Variants in EYA4 observed in about 807,000 individuals in gnomAD.
The protein encoded by EYA4 is protein phosphatase EYA4.
Under a neutral mutation model 87.9 loss-of-function variants are expected in EYA4, and 31 were observed. The ratio of observed to expected loss-of-function variants is 0.35; its 90% CI spans 0.27 to 0.48. The LOEUF (loss-of-function observed/expected upper bound fraction) is 0.48, where lower values mean the gene tolerates loss of function less well. EYA4 is among the 20% of genes least tolerant of loss of function. The probability of loss-of-function intolerance (pLI) is 0.99; values close to 1 mark genes in which losing one functional copy is unlikely to be tolerated. For missense variants in EYA4, 678 were observed against 761.4 expected, an observed-to-expected ratio of 0.89 and a Z score of 1.29; for synonymous variants, 263 against 270.6, an observed-to-expected ratio of 0.97 and a Z score of 0.28.
intron 2 of EYA4, among the ~76,000 whole-genome samples, chr6:133,329,929 A>G (rs1226460525): frequency 5.9e-5 from 9 of 152,132 alleles, no homozygotes; most frequent in Admixed American, 2.6e-4. Context: ...GATTTGTCAG[A>G]AAAGGAACTC....
chr6:133,420,406 G>A (rs946697762), intron 3 of EYA4, among the ~76,000 whole-genome samples: 4 of 152,160 alleles, frequency 2.6e-5, no homozygotes, highest in Non-Finnish European at 4.4e-5. Flanking sequence ...AATTTTGAAA[G>A]CATCGTCTCA....
intron 3 of EYA4, among the ~76,000 whole-genome samples, chr6:133,419,464 C>T (rs1283544735): frequency 6.6e-6 from 1 of 152,098 alleles, no homozygotes; most frequent in Non-Finnish European, 1.5e-5. Flanking sequence ...ATATGTCTTC[C>T]TGAACTCTGA....
At chr6:133,406,506 T>C (rs1025374505) in intron 3 of EYA4, among the ~76,000 whole-genome samples, 3 of 152,186 alleles carry the variant, frequency 2.0e-5, no homozygotes, top group African/African-American at 7.2e-5. Context: ...AAGGAAAGCT[T>C]TGGTCAGCAT....
At chr6:133,346,888 G>A (rs926518138) in intron 2 of EYA4, among the ~76,000 whole-genome samples, 2 of 151,790 alleles carry the variant, frequency 1.3e-5, no homozygotes, top group African/African-American at 4.8e-5. Flanking sequence ...GCATTTTATG[G>A]AAATGGAAGC....
intron 2 of EYA4, among the ~76,000 whole-genome samples, chr6:133,280,553 C>T (rs959767941): frequency 3.3e-5 from 5 of 152,042 alleles, no homozygotes; most frequent in South Asian, 2.1e-4. Flanking sequence ...TGTGCCACGG[C>T]GCCCAGATAA....
At chr6:133,442,993 T>C (rs1422908913) in intron 3 of EYA4, among the ~76,000 whole-genome samples, 1 of 152,102 alleles carries the variant, frequency 6.6e-6, no homozygotes, top group Non-Finnish European at 1.5e-5. Flanking sequence ...TGGTCATGAT[T>C]TTTTTCTATT....
intron 11 of EYA4, among the ~76,000 whole-genome samples, chr6:133,475,440 T>G (rs1795638894): frequency 6.6e-6 from 1 of 152,060 alleles, no homozygotes; most frequent in Non-Finnish European, 1.5e-5. Flanking sequence ...TTACAATACA[T>G]TAGCTAACTG....
intron 2 of EYA4, among the ~76,000 whole-genome samples, chr6:133,277,746 G>A (rs1199185452): frequency 1.3e-5 from 2 of 152,088 alleles, no homozygotes; most frequent in African/African-American, 4.8e-5. Flanking sequence ...TGTCCTTTAT[G>A]CCAGTATTAC....
chr6:133,528,089 T>G (rs1319610320), intron 19 of EYA4, among the ~76,000 whole-genome samples: 2 of 152,216 alleles, frequency 1.3e-5, no homozygotes, highest in African/African-American at 4.8e-5. Context: ...TGGAGATATC[T>G]TCCCCATTGA....
intron 2 of EYA4, among the ~76,000 whole-genome samples, chr6:133,323,999 T>A (rs1781301114): frequency 6.6e-6 from 1 of 152,174 alleles, no homozygotes; most frequent in African/African-American, 2.4e-5. Context: ...CTCCATTAAA[T>A]TTTTAGAATT....
At chr6:133,276,714 T>G (rs1486796340) in intron 2 of EYA4, among the ~76,000 whole-genome samples, 1 of 152,180 alleles carries the variant, frequency 6.6e-6, no homozygotes, top group African/African-American at 2.4e-5. Context: ...GACCAATGTA[T>G]TCATCTCATA....
intron 3 of EYA4, among the ~76,000 whole-genome samples, chr6:133,408,108 T>G (rs573097274): frequency 6.6e-6 from 1 of 152,224 alleles, no homozygotes; most frequent in Admixed American, 6.5e-5. Flanking sequence ...TGGATTTTGC[T>G]AAAAAGTATT....
chr6:133,318,632 T>TTTTA (rs77352161), intron 2 of EYA4, among the ~76,000 whole-genome samples: 14,655 of 148,774 alleles, frequency 0.099, 828 homozygotes, highest in East Asian at 0.15. Flanking sequence ...TTTTTTTTTT[T>TTTTA]TAATCATCCA....
At chr6:133,264,352 G>T (rs554865061) in intron 1 of EYA4, among the ~76,000 whole-genome samples, 3 of 152,176 alleles carry the variant, frequency 2.0e-5, no homozygotes, top group Non-Finnish European at 4.4e-5. Flanking sequence ...CTGAGGACAG[G>T]GTAAAGCTCT....
intron 1 of EYA4, chr6:133,247,342 C>T (rs1297712303): frequency 1.3e-5 from 2 of 152,210 alleles, no homozygotes; most frequent in African/African-American, 4.8e-5. Context: ...TTCCTTTGCT[C>T]TTCAAGCCTT....
At chr6:133,243,654 C>CTTTTT (rs200732942) in intron 1 of EYA4, among the ~76,000 whole-genome samples, 1 of 134,354 alleles carries the variant, frequency 7.4e-6, no homozygotes, top group African/African-American at 2.8e-5. Flanking sequence ...GAATCAGTGC[C>CTTTTT]TTTTTTTTTT....
chr6:133,490,013 G>A (rs1433605771), intron 13 of EYA4, among the ~76,000 whole-genome samples: 1 of 152,054 alleles, frequency 6.6e-6, no homozygotes, highest in Non-Finnish European at 1.5e-5. Context: ...AAAAAGCAGG[G>A]GAACAGAGTC....
chr6:133,512,057 TGA>T (rs1247541106), intron 14 of EYA4, among the ~76,000 whole-genome samples: 2 of 152,156 alleles, frequency 1.3e-5, no homozygotes, highest in Non-Finnish European at 2.9e-5. Context: ...GTAGCACATT[TGA>T]GATGATAAAT....
intron 2 of EYA4, among the ~76,000 whole-genome samples, chr6:133,360,938 G>A (rs1784403275): frequency 1.3e-5 from 2 of 152,334 alleles, no homozygotes; most frequent in East Asian, 3.9e-4. Context: ...TGTGTCTTAA[G>A]TGCATAGGGA....
Sources: gnomAD v4.1 joint callset for allele counts (sites outside exome capture counted in the v4.1 genomes callset) on GRCh38, gnomAD v4.1.1 for gene constraint, MANE v1.5 for transcripts, NCBI Gene and HGNC (gene_info 2026-07-23, HGNC 2026-07-21) for gene names.